Variants in PTPRN2 observed in about 807,000 individuals in gnomAD.
PTPRN2 encodes the protein protein tyrosine phosphatase receptor type N2, also known as receptor-type tyrosine-protein phosphatase N2.
Under a neutral mutation model 118.8 loss-of-function variants are expected in PTPRN2, and 74 were observed. The observed-to-expected ratio is 0.62, with a 90% CI of 0.52 to 0.76. The LOEUF (loss-of-function observed/expected upper bound fraction) is 0.76, where lower values mean the gene tolerates loss of function less well. Ranked by LOEUF, PTPRN2 falls within the 30% of genes least tolerant of loss-of-function variation. The pLI, the probability that PTPRN2 is intolerant of heterozygous loss-of-function variation, is 0.00. For missense variants in PTPRN2, 1,481 were observed against 1,394.4 expected (o/e 1.06, Z -0.99); for synonymous variants, 641 against 608.0 (o/e 1.05, Z -0.80).
At chr7:158,311,889 G>A (rs1324423994) in intron 3 of PTPRN2, among the ~76,000 whole-genome samples, 4 of 126,830 alleles carry the variant, frequency 3.2e-5, no homozygotes, top group Admixed American at 7.7e-5. Flanking sequence ...ACACCTGCAC[G>A]TGTAGACACC....
At chr7:158,561,812 G>A (rs1354537954) in intron 1 of PTPRN2, among the ~76,000 whole-genome samples, 1 of 152,160 alleles carries the variant, frequency 6.6e-6, no homozygotes, top group Non-Finnish European at 1.5e-5. Flanking sequence ...TCACTAGGGG[G>A]GACCGTGCCA....
chr7:157,886,942 C>T (rs1435616444), intron 12 of PTPRN2, among the ~76,000 whole-genome samples: 1 of 150,306 alleles, frequency 6.7e-6, no homozygotes, highest in Non-Finnish European at 1.5e-5. Flanking sequence ...CTGGGGCCAT[C>T]GAGGTCCTCG....
chr7:158,585,104 T>C (rs1465492211), intron 1 of PTPRN2, among the ~76,000 whole-genome samples: 1 of 152,238 alleles, frequency 6.6e-6, no homozygotes, highest in Non-Finnish European at 1.5e-5. Flanking sequence ...TGGAACAATG[T>C]AGTTGGCGTG....
intron 3 of PTPRN2, among the ~76,000 whole-genome samples, chr7:158,305,598 A>G (rs1426574264): frequency 6.6e-6 from 1 of 152,206 alleles, no homozygotes; most frequent in Non-Finnish European, 1.5e-5. Flanking sequence ...GGCGATGTCC[A>G]GATGAACGTT....
chr7:157,971,529 T>C (rs1802329721), intron 11 of PTPRN2, among the ~76,000 whole-genome samples: 1 of 152,188 alleles, frequency 6.6e-6, no homozygotes, highest in African/African-American at 2.4e-5. Context: ...GCAAACTCAT[T>C]TGATGTAATG....
intron 3 of PTPRN2, among the ~76,000 whole-genome samples, chr7:158,309,009 T>C (rs978631306): frequency 3.9e-5 from 6 of 152,186 alleles, no homozygotes; most frequent in Admixed American, 6.5e-5. Context: ...GAAAAGCCCA[T>C]GGTCAGATGG....
chr7:158,071,349 G>GTGGTAGTGGAGGTACCCA (rs1563390634), intron 11 of PTPRN2, among the ~76,000 whole-genome samples: 2 of 93,426 alleles, frequency 2.1e-5, no homozygotes, highest in Admixed American at 2.3e-4. Context: ...GGAGGTGCTC[G>GTGGTAGTGGAGGTACCCA]TGGTGGTGGA....
chr7:157,749,831 CGTCCCTG>C, intron 12 of PTPRN2, among the ~76,000 whole-genome samples: 1 of 134,482 alleles, frequency 7.4e-6, no homozygotes, highest in Non-Finnish European at 1.6e-5. Flanking sequence ...TTGAGGCCTG[CGTCCCTG>C]AGCTGTGGGC....
chr7:158,355,296 C>CCTCTGGTCT (rs529321942), intron 2 of PTPRN2, among the ~76,000 whole-genome samples: 310 of 152,338 alleles, frequency 2.0e-3, no homozygotes, highest in African/African-American at 6.7e-3. Flanking sequence ...CTCTGTGCTT[C>CCTCTGGTCT]CATTTCCTAA....
intron 3 of PTPRN2, among the ~76,000 whole-genome samples, chr7:158,289,367 T>C (rs1799962211): frequency 6.6e-6 from 1 of 152,212 alleles, no homozygotes. Flanking sequence ...TTTACTCTTT[T>C]TCTCCTCTGA....
chr7:157,578,772 C>T (rs1800192053), intron 17 of PTPRN2, among the ~76,000 whole-genome samples: 1 of 152,256 alleles, frequency 6.6e-6, no homozygotes, highest in South Asian at 2.1e-4. Flanking sequence ...ACAAAGTCCT[C>T]TGACCTCGTT....
At chr7:158,456,079 C>G (rs188744429) in intron 2 of PTPRN2, among the ~76,000 whole-genome samples, 1 of 150,224 alleles carries the variant, frequency 6.7e-6, no homozygotes, top group Non-Finnish European at 1.5e-5. Flanking sequence ...TGGACGCCAT[C>G]GGCCACGGCC....
chr7:157,767,884 C>T (rs1472516652), intron 12 of PTPRN2, among the ~76,000 whole-genome samples: 2 of 152,160 alleles, frequency 1.3e-5, no homozygotes, highest in African/African-American at 2.4e-5. Context: ...TGTTTTTAAA[C>T]TCAAAAGGCA....
At chr7:158,199,942 A>G (rs1254553836) in intron 4 of PTPRN2, among the ~76,000 whole-genome samples, 2 of 152,214 alleles carry the variant, frequency 1.3e-5, no homozygotes, top group Non-Finnish European at 2.9e-5. Flanking sequence ...CAAATCCATT[A>G]CTATAAAATC....
chr7:158,228,654 A>G lies in PTPRN2; in HGVS notation c.278-23381T>C, dbSNP rs371224065. ...AACACAGAAAATTGAAAACACCCCAAGCAGACAGCAAAAGCATCAGACCAC... is the reference window on the plus strand; with the variant it reads ...AACACAGAAAATTGAAAACACCCCAGGCAGACAGCAAAAGCATCAGACCAC... On this transcript the variant is annotated intron_variant, in intron 3 of 22. Transcript: ENST00000389418. 8.5e-5 allele frequency among the ~76,000 whole-genome samples: 13 copies of G among 152,052 alleles called. No individual in the cohort carries two copies. In the East Asian group the frequency reaches 1.4e-3, roughly 16 times the overall value.
At chr7:157,711,644 A>T (rs1041436424) in intron 12 of PTPRN2, among the ~76,000 whole-genome samples, 6 of 152,090 alleles carry the variant, frequency 3.9e-5, no homozygotes, top group African/African-American at 1.4e-4. Flanking sequence ...CCTTGCAGGC[A>T]GCTGTCTAAT....
At chr7:157,745,186 C>T (rs181120347) in intron 12 of PTPRN2, among the ~76,000 whole-genome samples, 4 of 152,290 alleles carry the variant, frequency 2.6e-5, no homozygotes, top group African/African-American at 7.2e-5. Flanking sequence ...AGGTGGAGCT[C>T]GTACAGTCAG....
intron 2 of PTPRN2, among the ~76,000 whole-genome samples, chr7:158,422,240 T>C (rs1448845997): frequency 6.6e-6 from 1 of 152,170 alleles, no homozygotes; most frequent in Non-Finnish European, 1.5e-5. Context: ...CAGATCAGAA[T>C]GCAAATCCTA....
At chr7:157,612,237 G>A (rs1029816186) in intron 15 of PTPRN2, among the ~76,000 whole-genome samples, 3 of 152,356 alleles carry the variant, frequency 2.0e-5, no homozygotes, top group Admixed American at 6.5e-5. Context: ...AGGCGTGGCT[G>A]TGTGCGCTGG....
Sources: allele counts gnomAD v4.1 joint callset (sites outside exome capture counted in the v4.1 genomes callset), GRCh38; gene constraint gnomAD v4.1.1; transcripts MANE v1.5; gene names NCBI Gene and HGNC (gene_info 2026-07-23, HGNC 2026-07-21).